Variants in GRM1 observed in about 807,000 individuals in gnomAD.
GRM1 encodes glutamate metabotropic receptor 1, also known as metabotropic glutamate receptor 1.
A neutral mutation model predicts 90.9 loss-of-function variants in GRM1; 33 were observed. That is an observed-to-expected ratio of 0.36 (90% confidence interval 0.28 to 0.49). The LOEUF is 0.49. Ranked by LOEUF, GRM1 falls within the 20% of genes least tolerant of loss-of-function variation. The pLI, the probability that GRM1 is intolerant of heterozygous loss-of-function variation, is 0.99. For missense variants in GRM1, 1,190 were observed against 1,534.3 expected (o/e 0.78, Z 3.75); for synonymous variants, 700 against 613.2 (o/e 1.14, Z -2.09).
At chr6:146,390,315 A>G (rs781154199) in intron 6 of GRM1, among the ~76,000 whole-genome samples, 2 of 151,928 alleles carry the variant, frequency 1.3e-5, no homozygotes, top group Non-Finnish European at 2.9e-5. Context: ...TGAAGAAATT[A>G]GTATATTTCT....
At chr6:146,407,983 A>G (rs9497537) in intron 7 of GRM1, among the ~76,000 whole-genome samples, 6,267 of 152,268 alleles carry the variant, frequency 0.041, 424 homozygotes, top group African/African-American at 0.14. Flanking sequence ...TTGAACTGCT[A>G]TAACTAAAAT....
intron 3 of GRM1, among the ~76,000 whole-genome samples, chr6:146,341,850 T>C (rs1244799444): frequency 6.6e-6 from 1 of 152,230 alleles, no homozygotes; most frequent in African/African-American, 2.4e-5. Flanking sequence ...AGACAATTCC[T>C]TGTGGCACCT....
chr6:146,310,655 T>G (rs1583306736), intron 3 of GRM1, among the ~76,000 whole-genome samples: 1 of 152,256 alleles, frequency 6.6e-6, no homozygotes, highest in South Asian at 2.1e-4. Flanking sequence ...ACTCTAAGTT[T>G]AGGCCTTAAG....
chr6:146,031,868 T>C (rs1790719098), intron 1 of GRM1, among the ~76,000 whole-genome samples: 1 of 152,182 alleles, frequency 6.6e-6, no homozygotes, highest in Admixed American at 6.5e-5. Flanking sequence ...AAAATCTAGA[T>C]TGAATGTGAT....
intron 4 of GRM1, among the ~76,000 whole-genome samples, chr6:146,353,426 A>G (rs985512912): frequency 6.6e-6 from 1 of 152,140 alleles, no homozygotes; most frequent in African/African-American, 2.4e-5. Context: ...TGGAACATCA[A>G]ATCATTTAAT....
At chr6:146,384,115 G>T (rs1776412815) in intron 5 of GRM1, among the ~76,000 whole-genome samples, 1 of 152,116 alleles carries the variant, frequency 6.6e-6, no homozygotes, top group Admixed American at 6.6e-5. Context: ...GACAGAATCA[G>T]AGTTTGGGAG....
intron 3 of GRM1, among the ~76,000 whole-genome samples, chr6:146,332,817 T>G (rs1259835699): frequency 1.3e-5 from 2 of 152,190 alleles, no homozygotes; most frequent in Non-Finnish European, 2.9e-5. Context: ...TTTTTAAATT[T>G]CAATTCCATG....
rs565827197 is a variant in GRM1, at chr6:146,244,786, G to C, written c.951-59825G>C. On this transcript the variant is annotated intron_variant, in intron 2 of 7. Transcript: ENST00000282753. Reference sequence around the variant, plus strand: ...TTTCCTAGCAACCCCTAATAGTCCTGATTAGCAAGCTCTCATTTATTTACT... The same window carrying C: ...TTTCCTAGCAACCCCTAATAGTCCTCATTAGCAAGCTCTCATTTATTTACT... 2.8e-4 allele frequency among the ~76,000 whole-genome samples: 43 copies of C among 152,292 alleles called. No homozygotes were observed. In the South Asian group the frequency reaches 8.1e-3, roughly 29 times the overall value.
At chr6:146,400,566 T>C (rs1278913095) in intron 7 of GRM1, among the ~76,000 whole-genome samples, 3 of 152,186 alleles carry the variant, frequency 2.0e-5, no homozygotes, top group African/African-American at 7.2e-5. Flanking sequence ...CACTTTCCTA[T>C]CCTTTTTCTA....
At chr6:146,101,510 G>A (rs1014062679) in intron 1 of GRM1, among the ~76,000 whole-genome samples, 1 of 151,932 alleles carries the variant, frequency 6.6e-6, no homozygotes, top group African/African-American at 2.4e-5. Flanking sequence ...GGCATGATGG[G>A]CCACGCTTCT....
Position 146,046,856 on chromosome 6 carries a change from T to C in GRM1, c.700+16639T>C, listed in dbSNP as rs567198777. On this transcript the variant is annotated intron_variant, in intron 1 of 7. Coordinates refer to ENST00000282753, the MANE Select transcript of GRM1 (RefSeq NM_001278064.2). ...GGCTAGAGAAAGGATTATTGCCACATCATTGTGAGAGGGTGTGAGGTCCAA... is the reference window on the plus strand; with the variant it reads ...GGCTAGAGAAAGGATTATTGCCACACCATTGTGAGAGGGTGTGAGGTCCAA... 1.3e-4 allele frequency among the ~76,000 whole-genome samples: 20 copies of C among 152,138 alleles called. No homozygotes were observed. The East Asian group carries it at 3.7e-3, about 28-fold the overall frequency.
intron 3 of GRM1, among the ~76,000 whole-genome samples, chr6:146,318,853 T>A (rs1784071292): frequency 6.6e-6 from 1 of 152,034 alleles, no homozygotes. Flanking sequence ...GGGGTTGTTT[T>A]TTTCTTGTAA....
chr6:146,331,926 C>T (rs752208652), intron 3 of GRM1, among the ~76,000 whole-genome samples: 5 of 152,104 alleles, frequency 3.3e-5, no homozygotes, highest in Non-Finnish European at 5.9e-5. Context: ...GTGAAACTAT[C>T]ATGTGATAGT....
intron 2 of GRM1, among the ~76,000 whole-genome samples, chr6:146,274,084 A>G (rs539852739): frequency 7.9e-5 from 12 of 152,236 alleles, no homozygotes; most frequent in Non-Finnish European, 1.6e-4. Flanking sequence ...TGTAGCTACA[A>G]TAAGAATGTA....
intron 1 of GRM1, among the ~76,000 whole-genome samples, chr6:146,108,409 T>C (rs1158304180): frequency 6.6e-6 from 1 of 152,116 alleles, no homozygotes; most frequent in Non-Finnish European, 1.5e-5. Flanking sequence ...TCTTACAAGT[T>C]CTAATGGTTT....
At chr6:146,182,670 C>T (rs1035756768) in intron 2 of GRM1, among the ~76,000 whole-genome samples, 3 of 152,210 alleles carry the variant, frequency 2.0e-5, no homozygotes, top group Admixed American at 2.0e-4. Context: ...AGTGCTACCT[C>T]CATCACTGCA....
At chr6:146,303,974 C>T (rs746071019) in intron 2 of GRM1, among the ~76,000 whole-genome samples, 94 of 152,010 alleles carry the variant, frequency 6.2e-4, no homozygotes, top group Admixed American at 9.8e-4. Context: ...CAGTGTGCTC[C>T]CATTTAGTGA....
At chr6:146,081,008 G>A (rs1434908878) in intron 1 of GRM1, among the ~76,000 whole-genome samples, 1 of 152,200 alleles carries the variant, frequency 6.6e-6, no homozygotes, top group Non-Finnish European at 1.5e-5. Context: ...TCCTGGAGCA[G>A]CCTTGTTGCT....
chr6:146,151,774 A>C (rs1777346225), intron 1 of GRM1, among the ~76,000 whole-genome samples: 1 of 152,136 alleles, frequency 6.6e-6, no homozygotes, highest in Non-Finnish European at 1.5e-5. Context: ...GCCTATCTTA[A>C]CTTTACTCTG....
Sources: allele counts gnomAD v4.1 joint callset (sites outside exome capture counted in the v4.1 genomes callset), GRCh38; gene constraint gnomAD v4.1.1; transcripts MANE v1.5; gene names NCBI Gene and HGNC (gene_info 2026-07-23, HGNC 2026-07-21).